STK39: variants seen among roughly 807,000 people sequenced by gnomAD.
STK39 encodes serine/threonine kinase 39, also known as STE20/SPS1-related proline-alanine-rich protein kinase.
A neutral mutation model predicts 77.8 loss-of-function variants in STK39; 20 were observed. That is an observed-to-expected ratio of 0.26 (90% CI 0.18 to 0.37). The LOEUF (loss-of-function observed/expected upper bound fraction) is 0.37. STK39 is among the 10% of genes least tolerant of loss of function. The pLI is 1.00. For synonymous variants in STK39, 246 were observed against 234.1 expected (o/e 1.05, Z -0.47); for missense variants, 479 against 656.5 (o/e 0.73, Z 2.95).
chr2:168,229,546 A>G (rs1001302746), intron 1 of STK39, among the ~76,000 whole-genome samples: 1 of 152,326 alleles, frequency 6.6e-6, no homozygotes, highest in African/African-American at 2.4e-5. Flanking sequence ...TTTCTATCCT[A>G]ATAGGCTAGC....
At chr2:168,067,562 TC>T (rs373592342) in intron 12 of STK39, among the ~76,000 whole-genome samples, 1,708 of 151,850 alleles carry the variant, frequency 0.011, 37 homozygotes, top group African/African-American at 0.039. Flanking sequence ...CTTTTTTTTT[TC>T]CTAAATAACC....
intron 16 of STK39, among the ~76,000 whole-genome samples, chr2:167,983,930 T>C (rs936067360): frequency 6.6e-6 from 1 of 152,070 alleles, no homozygotes; most frequent in Admixed American, 6.5e-5. Flanking sequence ...TCCTTCAGAT[T>C]ATACATTTTA....
intron 1 of STK39, among the ~76,000 whole-genome samples, chr2:168,194,925 C>T (rs1212409318): frequency 1.3e-5 from 2 of 152,080 alleles, no homozygotes; most frequent in Non-Finnish European, 2.9e-5. Flanking sequence ...GGCCCAGGTC[C>T]CCAGATGTAT....
chr2:168,111,682 C>T (rs146485494), intron 10 of STK39, among the ~76,000 whole-genome samples: 102 of 152,294 alleles, frequency 6.7e-4, no homozygotes, highest in African/African-American at 2.4e-3. Flanking sequence ...AAATTCATTA[C>T]AAATACAGCA....
chr2:167,986,269 G>A (rs1159653582), intron 16 of STK39, among the ~76,000 whole-genome samples: 1 of 152,152 alleles, frequency 6.6e-6, no homozygotes, highest in Non-Finnish European at 1.5e-5. Flanking sequence ...GGAGAAATAA[G>A]ACAGCCTGCA....
At chr2:167,985,804 G>A (rs1228406227) in intron 16 of STK39, among the ~76,000 whole-genome samples, 2 of 152,076 alleles carry the variant, frequency 1.3e-5, no homozygotes, top group Non-Finnish European at 2.9e-5. Flanking sequence ...ACCACAAGCC[G>A]TAAGAAGGCA....
chr2:167,954,172 A>C lies in STK39; in HGVS notation c.*1324T>G, dbSNP rs1691707353. The C allele has an allele frequency of 1.3e-5, 2 of 152,610 alleles. No homozygotes were observed. Among genetic ancestry groups the C allele is most frequent in the Non-Finnish European group, 2.9e-5 (2 of 68,034 alleles). 9.5% of individuals were successfully genotyped at this position (152,610 alleles called of 1,614,324 possible). ...CAATTATGACAAGGCAATTATAAAT[A>C]ACTTTTTTTCCTTAGTAATATATAT... On this transcript the variant is annotated 3_prime_UTR_variant, in exon 18 of 18. Transcript: ENST00000355999.
intron 10 of STK39, among the ~76,000 whole-genome samples, chr2:168,106,110 G>A (rs534489248): frequency 2.6e-5 from 4 of 152,260 alleles, no homozygotes; most frequent in South Asian, 2.1e-4. Context: ...CTACAGATGC[G>A]CACCACCATG....
At chr2:168,238,124 G>A (rs777917632) in intron 1 of STK39, among the ~76,000 whole-genome samples, 1 of 152,130 alleles carries the variant, frequency 6.6e-6, no homozygotes, top group African/African-American at 2.4e-5. Flanking sequence ...GGTTCAAACT[G>A]ATGCAACCAG....
intron 2 of STK39, among the ~76,000 whole-genome samples, chr2:168,180,334 G>A (rs904497302): frequency 6.6e-6 from 1 of 151,318 alleles, no homozygotes; most frequent in East Asian, 2.1e-4. Context: ...GCAACAGAGT[G>A]AGACTCTGTC....
At chr2:168,103,463 C>G (rs560823586) in intron 10 of STK39, among the ~76,000 whole-genome samples, 2 of 152,266 alleles carry the variant, frequency 1.3e-5, no homozygotes, top group African/African-American at 4.8e-5. Flanking sequence ...CTCCAAGAAA[C>G]AGAAAACATT....
chr2:168,101,260 A>G (rs1430596011), intron 10 of STK39, among the ~76,000 whole-genome samples: 1 of 152,146 alleles, frequency 6.6e-6, no homozygotes, highest in African/African-American at 2.4e-5. Context: ...AATGTAGATG[A>G]TGGGTTGATG....
At chr2:168,136,340 GCCCAGTGACAGAGCAAGACTC>G (rs1346667027) in intron 8 of STK39, among the ~76,000 whole-genome samples, 1 of 145,752 alleles carries the variant, frequency 6.9e-6, no homozygotes, top group Non-Finnish European at 1.5e-5. Flanking sequence ...CTGCACTCTA[GCCCAGTGACAGAGCAAGACTC>G]CGTCTCAAAA....
chr2:168,195,715 G>T (rs555308721), intron 1 of STK39, among the ~76,000 whole-genome samples: 1 of 152,326 alleles, frequency 6.6e-6, no homozygotes, highest in Non-Finnish European at 1.5e-5. Flanking sequence ...ATGGATGAGT[G>T]TAAGAATTCC....
At chr2:168,000,799 T>C (rs1354615500) in intron 16 of STK39, among the ~76,000 whole-genome samples, 2 of 152,156 alleles carry the variant, frequency 1.3e-5, no homozygotes, top group African/African-American at 4.8e-5. Context: ...TTTCTAAAAA[T>C]CCAGTCAACA....
At chr2:168,182,195 C>A in intron 1 of STK39, 105 bp from the exon 2 acceptor site, 1 of 783,706 alleles carries the variant, frequency 1.3e-6, no homozygotes, top group Non-Finnish European at 2.1e-6. Context: ...TTCTACTCAG[C>A]GTATTCAGAA....
chr2:167,994,046 A>G (rs867150336), intron 16 of STK39, among the ~76,000 whole-genome samples: 1 of 152,232 alleles, frequency 6.6e-6, no homozygotes, highest in Non-Finnish European at 1.5e-5. Flanking sequence ...AACCACTTTC[A>G]TATGTCATTC....
intron 16 of STK39, among the ~76,000 whole-genome samples, chr2:167,986,608 CT>C (rs34417739): frequency 6.6e-6 from 1 of 152,114 alleles, no homozygotes; most frequent in African/African-American, 2.4e-5. Context: ...TGGATTTAGA[CT>C]TTTAAGATAA....
chr2:168,169,631 CGTGTGTGTGT>C (rs10611769), intron 2 of STK39, among the ~76,000 whole-genome samples: 2 of 145,828 alleles, frequency 1.4e-5, no homozygotes, highest in Non-Finnish European at 3.0e-5. Flanking sequence ...TTGCAGTGAG[CGTGTGTGTGT>C]GTGTGTGTGT....
Sources: gnomAD v4.1 joint callset for allele counts (sites outside exome capture counted in the v4.1 genomes callset) on GRCh38, gnomAD v4.1.1 for gene constraint, MANE v1.5 for transcripts, NCBI Gene and HGNC (gene_info 2026-07-23, HGNC 2026-07-21) for gene names.